Variants in RAB3C observed in about 807,000 individuals in gnomAD.
RAB3C encodes the protein RAB3C, member RAS oncogene family.
RAB3C carries 17 observed loss-of-function variants against 26.4 expected under a neutral mutation model. That is an observed-to-expected ratio of 0.64 (90% CI 0.44 to 0.97). RAB3C has a LOEUF of 0.97. Ranked by LOEUF, RAB3C falls within the 50% of genes least tolerant of loss-of-function variation. RAB3C has a pLI of 0.00. For missense variants in RAB3C, 242 were observed against 281.9 expected, an observed-to-expected ratio of 0.86 and a Z score of 1.01; for synonymous variants, 91 against 95.9, an observed-to-expected ratio of 0.95 and a Z score of 0.30.
chr5:58,757,674 T>A (rs964502759), intron 3 of RAB3C, among the ~76,000 whole-genome samples: 2 of 152,042 alleles, frequency 1.3e-5, no homozygotes. Context: ...TACTAGGTAA[T>A]TATTGTATAA....
rs1744317728 is a variant in RAB3C at position 58,858,682 on chromosome 5, G to C, written c.*7331G>C. ...ACAGTTATGTTTCCTTTGAATGGAA[G>C]AGAGACAAAGCTATCAGCTATAGAT... On this transcript the variant is annotated 3_prime_UTR_variant, in exon 5 of 5. Transcript: ENST00000282878. 1 of 152,198 alleles carries C rather than the reference G, an allele frequency of 6.6e-6. No individual in the cohort carries two copies. Among genetic ancestry groups the C allele is most frequent in the African/African-American group, 2.4e-5 (1 of 41,460 alleles). The allele number at this position is 152,198 out of a possible 1,614,324, so 9.4% of individuals were successfully genotyped here. A position where few individuals can be genotyped will look rare whatever the true frequency, so the allele number is the denominator to read the frequency against.
In RAB3C at chr5:58,771,041, A is replaced by G. The variant is rs79410627; in HGVS notation, c.371+44921A>G. On this transcript the variant is annotated intron_variant, in intron 3 of 4. Transcript: ENST00000282878. ...ACTATATTTGTAATTTGGCCCATAG[A>G]GCAATAAATGTTTCCCTATTATATC... is the stretch of plus-strand genomic sequence containing the variant. Among the ~76,000 whole-genome samples the G allele has an allele frequency of 9.0e-3, 1,369 of 152,294 alleles. 20 individuals are homozygous for G. The highest frequency in any genetic ancestry group is 0.031 in the African/African-American group (1,272 of 41,570).
intron 2 of RAB3C, among the ~76,000 whole-genome samples, chr5:58,686,338 A>C (rs184702643): frequency 2.0e-5 from 3 of 152,218 alleles, no homozygotes; most frequent in Admixed American, 2.0e-4. Flanking sequence ...TATCCTTTCT[A>C]GTCACTACTG....
chr5:58,671,978 A>G (rs1037043546), intron 2 of RAB3C, among the ~76,000 whole-genome samples: 1 of 152,198 alleles, frequency 6.6e-6, no homozygotes, highest in Non-Finnish European at 1.5e-5. Flanking sequence ...AGAATTACTT[A>G]TATACCAATC....
intron 3 of RAB3C, among the ~76,000 whole-genome samples, chr5:58,766,712 G>A (rs1001399517): frequency 6.6e-6 from 1 of 152,162 alleles, no homozygotes; most frequent in Non-Finnish European, 1.5e-5. Context: ...AGTCTGGTAG[G>A]TAGATAGAGC....
At chr5:58,750,863 T>C (rs1175068818) in intron 3 of RAB3C, among the ~76,000 whole-genome samples, 1 of 152,080 alleles carries the variant, frequency 6.6e-6, no homozygotes, top group Non-Finnish European at 1.5e-5. Flanking sequence ...TCCTTCCTTT[T>C]ATTCATTTTG....
At position 58,658,344 on chromosome 5, in the gene RAB3C, G is replaced by A. The variant is rs115846678; in HGVS notation, c.252+40474G>A. 2.8e-3 allele frequency among the ~76,000 whole-genome samples: 429 copies of A among 152,282 alleles called. 1 individual carries two copies. The highest frequency in any genetic ancestry group is 9.6e-3 in the African/African-American group (397 of 41,542). On this transcript the variant is annotated intron_variant, in intron 2 of 4. Coordinates refer to ENST00000282878, the MANE Select transcript of RAB3C (RefSeq NM_138453.4). ...GTGAGTATGGGAGGAAAGGACTGTG[G>A]TTATCAGCTTGAGGAGATTTTGGGC...
intron 4 of RAB3C, among the ~76,000 whole-genome samples, chr5:58,839,344 TTTTA>T (rs141292003): frequency 0.42 from 59,807 of 143,838 alleles, 13,192 homozygotes; most frequent in Middle Eastern, 0.57. Context: ...AATGATAAGT[TTTTA>T]TTTTATTTAT....
In RAB3C at chr5:58,720,668, T is replaced by G. The variant is rs1740729401; in HGVS notation, c.253-5334T>G. On this transcript the variant is annotated intron_variant, in intron 2 of 4. Coordinates refer to ENST00000282878, the MANE Select transcript of RAB3C (RefSeq NM_138453.4). ...TTTTCTATAGCTTAATTAAACTACT[T>G]CTGTTGAACAATTAACATCAATGTG... Among the ~76,000 whole-genome samples, 3 of 151,890 alleles carry G rather than the reference T, an allele frequency of 2.0e-5. No individual in the cohort carries two copies. The South Asian group carries it at 6.2e-4, about 31-fold the overall frequency.
intron 4 of RAB3C, among the ~76,000 whole-genome samples, chr5:58,828,594 G>A (rs532791719): frequency 2.6e-5 from 4 of 152,308 alleles, no homozygotes; most frequent in South Asian, 4.1e-4. Flanking sequence ...CGCTTCAGGC[G>A]CCAACATCCA....
intron 1 of RAB3C, among the ~76,000 whole-genome samples, chr5:58,605,676 T>C (rs1476105618): frequency 6.6e-6 from 1 of 152,110 alleles, no homozygotes; most frequent in Non-Finnish European, 1.5e-5. Flanking sequence ...GGCAGGAGGA[T>C]CTCTTGAGGT....
chr5:58,847,189 C>T (rs1744023913), intron 4 of RAB3C: 1 of 152,178 alleles, frequency 6.6e-6, no homozygotes, highest in African/African-American at 2.4e-5. Flanking sequence ...CCTACATGAG[C>T]TGAAAATACT....
At chr5:58,716,768 A>T (rs919587157) in intron 2 of RAB3C, among the ~76,000 whole-genome samples, 1 of 150,732 alleles carries the variant, frequency 6.6e-6, no homozygotes, top group Admixed American at 6.6e-5. Flanking sequence ...ACTCGAATAG[A>T]TCTCATAGTA....
intron 3 of RAB3C, among the ~76,000 whole-genome samples, chr5:58,761,332 T>G (rs1741793683): frequency 6.6e-6 from 1 of 152,216 alleles, no homozygotes; most frequent in South Asian, 2.1e-4. Flanking sequence ...TACCTGATAG[T>G]TATATAATGT....
chr5:58,647,971 G>T (rs902807790), intron 2 of RAB3C, among the ~76,000 whole-genome samples: 13 of 152,250 alleles, frequency 8.5e-5, no homozygotes, highest in Admixed American at 7.2e-4. Context: ...AAAAAAATGT[G>T]ACATAGTATA....
At chr5:58,834,705 C>A (rs1276436851) in intron 4 of RAB3C, among the ~76,000 whole-genome samples, 1 of 152,142 alleles carries the variant, frequency 6.6e-6, no homozygotes, top group African/African-American at 2.4e-5. Flanking sequence ...GGCTCACTTT[C>A]TTTTTGGCTA....
At chr5:58,595,198 TC>T (rs1746221575) in intron 1 of RAB3C, among the ~76,000 whole-genome samples, 1 of 152,202 alleles carries the variant, frequency 6.6e-6, no homozygotes, top group Non-Finnish European at 1.5e-5. Flanking sequence ...TACTAGGTTG[TC>T]CCTCCTCAAA....
intron 4 of RAB3C, among the ~76,000 whole-genome samples, chr5:58,847,671 C>T (rs1579951820): frequency 1.3e-5 from 2 of 152,062 alleles, no homozygotes; most frequent in Non-Finnish European, 2.9e-5. Context: ...AAGACTGATT[C>T]GCTTGGATAG....
At chr5:58,734,352 TA>T (rs1741090234) in intron 3 of RAB3C, among the ~76,000 whole-genome samples, 1 of 152,168 alleles carries the variant, frequency 6.6e-6, no homozygotes, top group South Asian at 2.1e-4. Context: ...CTTTCTAATC[TA>T]GCTCAAGGCT....
Sources: allele counts gnomAD v4.1 joint callset (sites outside exome capture counted in the v4.1 genomes callset), GRCh38; gene constraint gnomAD v4.1.1; transcripts MANE v1.5; gene names NCBI Gene and HGNC (gene_info 2026-07-23, HGNC 2026-07-21).